The following ALDH18A1 variants were observed in gnomAD, a reference collection of about 807,000 sequenced individuals.
ALDH18A1 encodes the protein aldehyde dehydrogenase 18 family member A1, also known as delta-1-pyrroline-5-carboxylate synthase.
Under a neutral mutation model 88.8 loss-of-function variants are expected in ALDH18A1, and 44 were observed. That is an observed-to-expected ratio of 0.50 (90% confidence interval 0.39 to 0.64). The LOEUF is 0.64. ALDH18A1 is among the 30% of genes least tolerant of loss of function. The pLI, the probability that ALDH18A1 is intolerant of heterozygous loss-of-function variation, is 0.00. For missense variants in ALDH18A1, 782 were observed against 1,009.5 expected, an observed-to-expected ratio of 0.77 and a Z score of 3.05; for synonymous variants, 331 against 372.1, an observed-to-expected ratio of 0.89 and a Z score of 1.27.
intron 2 of ALDH18A1, 48 bp from the exon 3 acceptor site, chr10:95,643,254 A>G: frequency 1.3e-6 from 2 of 1,583,602 alleles, no homozygotes; most frequent in Non-Finnish European, 1.7e-6. Flanking sequence ...TACTCAATAT[A>G]GTTTTTCAAT....
intron 15 of ALDH18A1, among the ~76,000 whole-genome samples, chr10:95,612,612 G>A (rs910516073): frequency 2.0e-5 from 3 of 152,188 alleles, no homozygotes; most frequent in African/African-American, 7.2e-5. Flanking sequence ...CCATCCAAAA[G>A]TGCTGTATGA....
At chr10:95,648,921 G>T (rs1031805207) in intron 2 of ALDH18A1, among the ~76,000 whole-genome samples, 1 of 152,214 alleles carries the variant, frequency 6.6e-6, no homozygotes, top group African/African-American at 2.4e-5. Flanking sequence ...TTCATAAGCA[G>T]AAGGGCTAGT....
intron 10 of ALDH18A1, 109 bp from the exon 11 acceptor site, chr10:95,625,564 C>T: frequency 1.2e-6 from 1 of 855,136 alleles, no homozygotes; most frequent in Non-Finnish European, 1.9e-6. Context: ...GCTCCCACAT[C>T]CACGGTCATC....
At chr10:95,624,754 C>G (rs1422642994) in intron 11 of ALDH18A1, among the ~76,000 whole-genome samples, 2 of 152,164 alleles carry the variant, frequency 1.3e-5, no homozygotes, top group Non-Finnish European at 2.9e-5. Flanking sequence ...GGTGCTAACT[C>G]AGGGAAGACA....
intron 11 of ALDH18A1, among the ~76,000 whole-genome samples, chr10:95,625,064 A>G (rs1337835409): frequency 5.9e-5 from 9 of 152,178 alleles, no homozygotes; most frequent in Non-Finnish European, 8.8e-5. Context: ...GTTAGCTATT[A>G]GCTGAATGTC....
At chr10:95,623,174 A>G (rs1026082776) in intron 11 of ALDH18A1, among the ~76,000 whole-genome samples, 16 of 152,202 alleles carry the variant, frequency 1.1e-4, no homozygotes, top group African/African-American at 3.9e-4. Context: ...CTAAAAAAAA[A>G]GTTTTAATTA....
At chr10:95,607,542 T>C (rs539285788) in intron 17 of ALDH18A1, among the ~76,000 whole-genome samples, 1 of 152,258 alleles carries the variant, frequency 6.6e-6, no homozygotes, top group East Asian at 1.9e-4. Flanking sequence ...CCCTCAATCA[T>C]CACAACTTTA....
At position 95,621,157 on chromosome 10, in the gene ALDH18A1, G is replaced by A. The variant is rs1055045758; in HGVS notation, c.1341C>T (p.Ser447=). 1.9e-6 allele frequency: 3 copies of A among 1,613,954 alleles called. No individual in the cohort carries two copies. The African/African-American group carries it at 4.0e-5, about 22-fold the overall frequency. Residue 447 remains serine (S), a synonymous_variant, in exon 12 of 18, where the codon TCC becomes TCT. Coordinates refer to ENST00000371224, the MANE Select transcript of ALDH18A1 (RefSeq NM_002860.4). ...GCAAAACACGTCCCACGCTGTCCTG[G>A]GAGGAGGCTGCGATCTGTCGCAGAC... ...AIGLRQIAAS[S]QDSVGRVLRR...
At chr10:95,626,415 G>A (rs1246572172) in intron 10 of ALDH18A1, among the ~76,000 whole-genome samples, 1 of 152,170 alleles carries the variant, frequency 6.6e-6, no homozygotes, top group East Asian at 1.9e-4. Flanking sequence ...TCCATGCCCA[G>A]TATGTGGCAG....
At chr10:95,644,854 G>C (rs1431095700) in intron 2 of ALDH18A1, among the ~76,000 whole-genome samples, 2 of 152,188 alleles carry the variant, frequency 1.3e-5, no homozygotes, top group Non-Finnish European at 2.9e-5. Context: ...ATTCATTTTG[G>C]ACTAGAAGGA....
chr10:95,624,245 T>A (rs2097857413), intron 11 of ALDH18A1, among the ~76,000 whole-genome samples: 1 of 152,234 alleles, frequency 6.6e-6, no homozygotes, highest in Non-Finnish European at 1.5e-5. Flanking sequence ...CCACTATGTG[T>A]CCTTATGCAT....
intron 13 of ALDH18A1, among the ~76,000 whole-genome samples, chr10:95,614,679 G>A (rs933692556): frequency 2.6e-5 from 4 of 152,098 alleles, no homozygotes; most frequent in Admixed American, 2.6e-4. Flanking sequence ...CCTGGGATGT[G>A]GATTAGAATG....
chr10:95,621,268 A>G lies in ALDH18A1; in HGVS notation c.1247-17T>C, dbSNP rs1208309079. The G allele has an allele frequency of 6.3e-7, 1 of 1,599,848 alleles. No individual in the cohort carries two copies. The highest frequency in any genetic ancestry group is 8.5e-7 in the Non-Finnish European group (1 of 1,171,756). ...CAAGTCTCCCTGAAAAGCCATTAAG[A>G]GGATATGATAAAGTAGCAGACCTGG... On this transcript the variant is annotated splice_polypyrimidine_tract_variant and intron_variant, in intron 11 of 17. Transcript: ENST00000371224.
intron 15 of ALDH18A1, among the ~76,000 whole-genome samples, chr10:95,612,679 A>C (rs1431457818): frequency 6.6e-6 from 1 of 152,160 alleles, no homozygotes; most frequent in Non-Finnish European, 1.5e-5. Flanking sequence ...CATTTTAATG[A>C]CTGAGGATAC....
At chr10:95,614,617 T>C (rs1164770344) in intron 13 of ALDH18A1, among the ~76,000 whole-genome samples, 1 of 152,192 alleles carries the variant, frequency 6.6e-6, no homozygotes, top group Non-Finnish European at 1.5e-5. Flanking sequence ...AAATGTTGGG[T>C]TGGTCTTGCT....
chr10:95,648,380 G>T (rs1023798754), intron 2 of ALDH18A1, among the ~76,000 whole-genome samples: 8 of 151,770 alleles, frequency 5.3e-5, no homozygotes, highest in Non-Finnish European at 7.4e-5. Flanking sequence ...GAATTCTCAT[G>T]AATTAAGCCT....
intron 11 of ALDH18A1, 120 bp downstream of exon 11, chr10:95,625,242 G>A: frequency 2.2e-6 from 2 of 889,702 alleles, no homozygotes; most frequent in Non-Finnish European, 1.9e-6. Context: ...GATACATAAT[G>A]TACAATTTCT....
intron 6 of ALDH18A1, 102 bp downstream of exon 6, chr10:95,633,389 C>G: frequency 6.9e-7 from 1 of 1,458,870 alleles, no homozygotes; most frequent in Non-Finnish European, 9.4e-7. Context: ...TCTCTCACAA[C>G]TTTTCCATCT....
intron 2 of ALDH18A1, among the ~76,000 whole-genome samples, chr10:95,644,653 C>G (rs2097898015): frequency 6.6e-6 from 1 of 152,244 alleles, no homozygotes; most frequent in African/African-American, 2.4e-5. Flanking sequence ...GCCAGGCACA[C>G]TGCCACCAGT....
Sources: allele counts gnomAD v4.1 joint callset (sites outside exome capture counted in the v4.1 genomes callset), GRCh38; gene constraint gnomAD v4.1.1; transcripts MANE v1.5; gene names NCBI Gene and HGNC (gene_info 2026-07-23, HGNC 2026-07-21).